Variants in RMND5B observed in about 807,000 individuals in gnomAD.
RMND5B encodes E3 ubiquitin-protein transferase RMND5B.
A neutral mutation model predicts 50.4 loss-of-function variants in RMND5B; 42 were observed. That is an observed-to-expected ratio of 0.83 (90% CI 0.65 to 1.08). The LOEUF (loss-of-function observed/expected upper bound fraction) is 1.08. RMND5B is among the 50% of genes least tolerant of loss of function. RMND5B has a pLI of 0.00. For synonymous variants in RMND5B, 220 were observed against 210.0 expected (o/e 1.05, Z -0.41); for missense variants, 463 against 508.5 (o/e 0.91, Z 0.86).
rs746024584 is a variant in RMND5B, at chr5:178,148,024, A to T, written c.1174A>T (p.Ile392Leu). 7.4e-6 allele frequency: 12 copies of T among 1,613,870 alleles called. No individual in the cohort carries two copies. The South Asian group carries it at 1.3e-4, about 18-fold the overall frequency. The change falls in exon 11 of 11, where the codon ATA (isoleucine) becomes TTA (leucine). Residue 392 changes from isoleucine to leucine, a missense_variant. By Grantham distance (5) the Ile-to-Leu change is conservative. Transcript: ENST00000313386. ...EQNPADGKRI[I>L]F ...GAACCCGGCAGATGGGAAACGCATCATATTCTGATTCCTACCTGGAAGGAA... is the reference window on the plus strand; with the variant it reads ...GAACCCGGCAGATGGGAAACGCATCTTATTCTGATTCCTACCTGGAAGGAA...
At chr5:178,144,273 CTA>C (rs1173767732) in intron 7 of RMND5B, among the ~76,000 whole-genome samples, 165 bp downstream of exon 7, 1 of 152,214 alleles carries the variant, frequency 6.6e-6, no homozygotes, top group Non-Finnish European at 1.5e-5. Flanking sequence ...AGGATGAACT[CTA>C]GACTCCTCCT....
chr5:178,146,470 C>T (rs1192709026), intron 8 of RMND5B, 191 bp downstream of exon 8: 7 of 586,010 alleles, frequency 1.2e-5, no homozygotes, highest in Non-Finnish European at 3.0e-6. Flanking sequence ...AGTTATGGCC[C>T]GAGGTCACCA....
At chr5:178,135,507 C>T (rs1216776146) in intron 2 of RMND5B, among the ~76,000 whole-genome samples, 1 of 152,154 alleles carries the variant, frequency 6.6e-6, no homozygotes, top group African/African-American at 2.4e-5. Flanking sequence ...TGGAGCTTGT[C>T]GATGTTGCTC....
chr5:178,150,065 A>C lies in RMND5B; in HGVS notation c.*2033A>C, dbSNP rs566624258. On this transcript the variant is annotated 3_prime_UTR_variant, in exon 11 of 11. Transcript: ENST00000313386. ...TACATTCCCACATGGCAACTATGAA[A>C]GGGCTCCAGCCCAGCAGGGGCTGTC... 5.2e-3 allele frequency: 2,347 copies of C among 453,794 alleles called. 9 individuals are homozygous for C. Among genetic ancestry groups the C allele is most frequent in the Non-Finnish European group, 7.8e-3 (1,938 of 249,672 alleles). 28.1% of individuals were successfully genotyped at this position (453,794 alleles called of 1,614,324 possible).
In RMND5B at chr5:178,137,291, T is replaced by C. The variant is rs1647726686; in HGVS notation, c.-12-817T>C. ...TTGGCAGTTATTCCCCAAGCTGTGT[T>C]TCCAAATATCAGCCACTCAAGGACG... On this transcript the variant is annotated intron_variant, in intron 2 of 10. Transcript: ENST00000313386. This position sits in a 1 kb window ranked among gnomAD's most constrained non-coding sequence, Gnocchi z 4.4. 6.6e-6 allele frequency among the ~76,000 whole-genome samples: 1 copy of C among 152,178 alleles called. No homozygotes were observed. Among genetic ancestry groups the C allele is most frequent in the Non-Finnish European group, 1.5e-5 (1 of 68,026 alleles).
In RMND5B at chr5:178,149,604, G is replaced by A; in HGVS notation, c.*1572G>A. ...GCTGCCTGGGAAGAAGGCGTGCCTT[G>A]GGGAACTGGGAAGATGCCGTCAGTG... is the stretch of plus-strand genomic sequence containing the variant. On this transcript the variant is annotated 3_prime_UTR_variant, in exon 11 of 11. Transcript: ENST00000313386. 1.4e-6 allele frequency: 2 copies of A among 1,458,680 alleles called. No homozygotes were observed. The highest frequency in any genetic ancestry group is 1.9e-6 in the Non-Finnish European group (2 of 1,055,334). 90.4% of individuals were successfully genotyped at this position (1,458,680 alleles called of 1,614,324 possible).
In RMND5B at chr5:178,138,207, G is replaced by C. The variant is rs763429428; in HGVS notation, c.88G>C (p.Glu30Gln). 3.1e-6 allele frequency: 5 copies of C among 1,614,012 alleles called. No individual in the cohort carries two copies. The highest frequency in any genetic ancestry group is 4.2e-6 in the Non-Finnish European group (5 of 1,179,972). ...TYGQHCERSL[E>Q]ELLHYVGQLR... ...CGGGCAGCACTGTGAGCGGAGCCTG[G>C]AGGAGCTGCTGCACTACGTGGGCCA... Residue 30 changes from glutamate to glutamine, a missense_variant, in exon 3 of 11, where the codon GAG becomes CAG. Coordinates refer to ENST00000313386, the MANE Select transcript of RMND5B (RefSeq NM_022762.5). This position sits in a 1 kb window ranked among gnomAD's most constrained non-coding sequence, Gnocchi z 5.1.
Position 178,150,352 on chromosome 5 carries a change from C to A in RMND5B, c.*2320C>A, listed in dbSNP as rs116996890. 0.02 allele frequency: 5,231 copies of A among 257,066 alleles called. 62 individuals carry two copies. Among genetic ancestry groups the A allele is most frequent in the Middle Eastern group, 0.05 (33 of 664 alleles). 15.9% of individuals were successfully genotyped at this position (257,066 alleles called of 1,614,324 possible). A position where few individuals can be genotyped will look rare whatever the true frequency, so the allele number is the denominator to read the frequency against. Reference sequence around the variant, plus strand: ...TCCTGCTTTATCCCAAGAAGTGATACTGTAGGTACCCAAGATCCACCCCCA... The same window carrying A: ...TCCTGCTTTATCCCAAGAAGTGATAATGTAGGTACCCAAGATCCACCCCCA... On this transcript the variant is annotated 3_prime_UTR_variant, in exon 11 of 11. Coordinates refer to ENST00000313386, the MANE Select transcript of RMND5B (RefSeq NM_022762.5).
chr5:178,141,704 A>G (rs1216859621), intron 3 of RMND5B: 1 of 152,190 alleles, frequency 6.6e-6, no homozygotes, highest in East Asian at 1.9e-4. Flanking sequence ...AAATACATAC[A>G]TACATAGATG....
chr5:178,132,417 G>C (rs1337777056), intron 2 of RMND5B, among the ~76,000 whole-genome samples: 2 of 152,108 alleles, frequency 1.3e-5, no homozygotes, highest in African/African-American at 2.4e-5. Context: ...CTCCAGCCTG[G>C]GCGACAGAGT....
rs943484236 is a variant in RMND5B at position 178,138,406 on chromosome 5, G to A, written c.139+148G>A. 8.6e-6 allele frequency: 12 copies of A among 1,403,132 alleles called. No homozygotes were observed. Among genetic ancestry groups the A allele is most frequent in the Non-Finnish European group, 1.0e-5 (11 of 1,082,098 alleles). The allele number at this position is 1,403,132 out of a possible 1,614,324, so 86.9% of individuals were successfully genotyped here. On this transcript the variant is annotated intron_variant, in intron 3 of 10. Coordinates refer to ENST00000313386, the MANE Select transcript of RMND5B (RefSeq NM_022762.5). The surrounding 1 kb of genome is among the most constrained non-coding windows in gnomAD (Gnocchi z 5.1). ...GCCTCCTTGAAACCGGGTAATGACA[G>A]TCTCTGAGCTACTTCAAAAAGCCCA...
chr5:178,147,467 C>A, intron 8 of RMND5B, 66 bp from the exon 9 acceptor site: 1 of 1,268,610 alleles, frequency 7.9e-7, no homozygotes, highest in Non-Finnish European at 1.1e-6. Flanking sequence ...TGAAGCATGG[C>A]GCGCTGGCCC....
chr5:178,134,941 G>A (rs1465782906), intron 2 of RMND5B, among the ~76,000 whole-genome samples: 1 of 146,180 alleles, frequency 6.8e-6, no homozygotes, highest in Non-Finnish European at 1.5e-5. Flanking sequence ...TAGCACCACT[G>A]TATTCCAGCC....
At chr5:178,143,768 A>C in intron 6 of RMND5B, 41 bp downstream of exon 6, 3 of 1,512,586 alleles carry the variant, frequency 2.0e-6, no homozygotes, top group Non-Finnish European at 9.2e-7. Context: ...TTCTGCTTCG[A>C]CCTCTCAGGG....
rs1758762520 is a variant in RMND5B, at chr5:178,138,809, C to T, written c.139+551C>T. On this transcript the variant is annotated intron_variant, in intron 3 of 10. Transcript: ENST00000313386. The surrounding 1 kb of genome is among the most constrained non-coding windows in gnomAD (Gnocchi z 5.1). The stretch of plus-strand genomic sequence containing the variant: ...TTTGCCGTGATCATTACTTTTTAAC[C>T]ATTTGAAAATAAGTTGTAGATAACA... Among the ~76,000 whole-genome samples, 1 of 152,184 alleles carries T rather than the reference C, an allele frequency of 6.6e-6. No individual in the cohort carries two copies.
chr5:178,145,486 C>G (rs1755944788), intron 7 of RMND5B, among the ~76,000 whole-genome samples: 1 of 146,902 alleles, frequency 6.8e-6, no homozygotes, highest in African/African-American at 2.6e-5. Context: ...GAGCGAGACT[C>G]TGTCTCAAAA....
rs756390067 is a variant in RMND5B at position 178,149,606 on chromosome 5, G to C, written c.*1574G>C. 26 of 1,477,954 alleles carry C rather than the reference G, an allele frequency of 1.8e-5. No homozygotes were observed. The highest frequency in any genetic ancestry group is 2.3e-5 in the Non-Finnish European group (25 of 1,071,856). The allele number at this position is 1,477,954 out of a possible 1,614,324, so 91.6% of individuals were successfully genotyped here. On this transcript the variant is annotated 3_prime_UTR_variant, in exon 11 of 11. Coordinates refer to ENST00000313386, the MANE Select transcript of RMND5B (RefSeq NM_022762.5). ...TGCCTGGGAAGAAGGCGTGCCTTGG[G>C]GAACTGGGAAGATGCCGTCAGTGTG...
intron 2 of RMND5B, chr5:178,136,225 T>A (rs1246841227): frequency 6.6e-6 from 1 of 152,202 alleles, no homozygotes; most frequent in Admixed American, 6.5e-5. Flanking sequence ...TGTACCTACC[T>A]CATAGTGTTT....
At position 178,148,057 on chromosome 5, in the gene RMND5B, GA is replaced by G; in HGVS notation, c.*28del. The G allele has an allele frequency of 6.2e-7, 1 of 1,611,332 alleles. No individual in the cohort carries two copies. Among genetic ancestry groups the G allele is most frequent in the Non-Finnish European group, 8.5e-7 (1 of 1,177,566 alleles). On this transcript the variant is annotated 3_prime_UTR_variant, in exon 11 of 11. Coordinates refer to ENST00000313386, the MANE Select transcript of RMND5B (RefSeq NM_022762.5). ...ATTCCTACCTGGAAGGAATTTTGTT[GA>G]AAGGGGTTTTCACCTGTGAGCCTTG...
Sources: gnomAD v4.1 joint callset for allele counts (sites outside exome capture counted in the v4.1 genomes callset) on GRCh38, gnomAD v4.1.1 for gene constraint, Gnocchi (gnomAD v3.1) non-coding constraint, MANE v1.5 for transcripts, NCBI Gene and HGNC (gene_info 2026-07-23, HGNC 2026-07-21) for gene names.